ADAMTS18: variants seen among roughly 807,000 people sequenced by gnomAD.
ADAMTS18 encodes ADAM metallopeptidase with thrombospondin type 1 motif 18.
In ADAMTS18, 157 loss-of-function variants were observed where a neutral mutation model predicts 165.9. The observed-to-expected ratio is 0.95, with a 90% CI of 0.83 to 1.08. The LOEUF is 1.08. Ranked by LOEUF, ADAMTS18 falls within the 50% of genes least tolerant of loss-of-function variation. ADAMTS18 has a pLI of 0.00. For missense variants in ADAMTS18, 2,040 were observed against 1,534.0 expected (o/e 1.33, Z -5.51); for synonymous variants, 782 against 578.2 (o/e 1.35, Z -5.06).
chr16:77,291,432 C>G lies in ADAMTS18; in HGVS notation c.3236G>C (p.Cys1079Ser). 6.2e-7 allele frequency: 1 copy of G among 1,614,216 alleles called. No individual in the cohort carries two copies. The highest frequency in any genetic ancestry group is 8.5e-7 in the Non-Finnish European group (1 of 1,180,030). ...GLGVRKREMK[C>S]SEKGFQGKLI... The stretch of plus-strand genomic sequence containing the variant: ...CTTTCCCTGGAAGCCCTTCTCGCTG[C>G]ACTTCATCTCCCTCTTCCTCACACC... Residue 1079 changes from cysteine to serine, a missense_variant, in exon 21 of 23, where the codon TGC (cysteine) becomes TCC (serine). Physicochemically the swap from Cys to Ser is moderately radical, Grantham distance 112 (BLOSUM62 -1). Coordinates refer to ENST00000282849, the MANE Select transcript of ADAMTS18 (RefSeq NM_199355.4).
At chr16:77,329,888 G>C (rs189242592) in intron 12 of ADAMTS18, among the ~76,000 whole-genome samples, 1 of 152,210 alleles carries the variant, frequency 6.6e-6, no homozygotes, top group East Asian at 1.9e-4. Context: ...CCTTATATTA[G>C]ACAACTATAA....
At chr16:77,293,359 A>G in intron 19 of ADAMTS18, 101 bp from the exon 20 acceptor site, 4 of 1,063,158 alleles carry the variant, frequency 3.8e-6, no homozygotes, top group Non-Finnish European at 5.7e-6. Context: ...GAAAGGTGGG[A>G]TAAACTCCAT....
chr16:77,358,037 T>C (rs2056656660), intron 8 of ADAMTS18, among the ~76,000 whole-genome samples: 1 of 152,238 alleles, frequency 6.6e-6, no homozygotes, highest in Admixed American at 6.5e-5. Flanking sequence ...AAAACAAACT[T>C]AGACATACAT....
intron 3 of ADAMTS18, among the ~76,000 whole-genome samples, chr16:77,414,367 T>C (rs1043851826): frequency 2.0e-5 from 3 of 152,186 alleles, no homozygotes; most frequent in South Asian, 4.1e-4. Flanking sequence ...GAACTGAAAG[T>C]GCATTAAGTA....
At chr16:77,364,869 G>A (rs2650910) in intron 4 of ADAMTS18, among the ~76,000 whole-genome samples, 110,666 of 151,930 alleles carry the variant, frequency 0.73, 41,019 homozygotes, top group East Asian at 0.89. Flanking sequence ...AATTTGAGAC[G>A]CAAAGGTGGG....
chr16:77,320,540 G>C (rs144237440), intron 15 of ADAMTS18, among the ~76,000 whole-genome samples: 3 of 152,182 alleles, frequency 2.0e-5, no homozygotes, highest in African/African-American at 7.2e-5. Context: ...TCAAGAGGGT[G>C]AGGCAGGAGA....
chr16:77,292,141 A>G (rs1292098070), intron 20 of ADAMTS18, among the ~76,000 whole-genome samples: 1 of 152,130 alleles, frequency 6.6e-6, no homozygotes, highest in African/African-American at 2.4e-5. Context: ...CCTCAGCAAC[A>G]TGGTGAAACC....
chr16:77,290,180 G>T (rs184687901), intron 21 of ADAMTS18, among the ~76,000 whole-genome samples: 2 of 152,254 alleles, frequency 1.3e-5, no homozygotes, highest in Admixed American at 6.5e-5. Context: ...TAAACTAGGA[G>T]TTTGTAAACT....
At chr16:77,324,475 A>G (rs2056059164) in intron 13 of ADAMTS18, among the ~76,000 whole-genome samples, 1 of 152,232 alleles carries the variant, frequency 6.6e-6, no homozygotes, top group Non-Finnish European at 1.5e-5. Context: ...AATATATACC[A>G]AGTGCTGTTC....
At chr16:77,318,883 T>C (rs1168982277) in intron 16 of ADAMTS18, among the ~76,000 whole-genome samples, 1 of 152,142 alleles carries the variant, frequency 6.6e-6, no homozygotes, top group East Asian at 1.9e-4. Flanking sequence ...GTGCTCAGTA[T>C]CATTTCTATA....
intron 3 of ADAMTS18, among the ~76,000 whole-genome samples, chr16:77,390,191 A>G (rs2057166516): frequency 6.6e-6 from 1 of 152,212 alleles, no homozygotes. Context: ...GGTTTCTGCA[A>G]GAAATAACGG....
intron 3 of ADAMTS18, among the ~76,000 whole-genome samples, chr16:77,422,801 C>T (rs1027137721): frequency 6.6e-6 from 1 of 152,166 alleles, no homozygotes; most frequent in Admixed American, 6.5e-5. Context: ...ACAATCTCTA[C>T]ATTTTGATTC....
chr16:77,390,749 C>G (rs2057175703), intron 3 of ADAMTS18, among the ~76,000 whole-genome samples: 1 of 151,836 alleles, frequency 6.6e-6, no homozygotes, highest in African/African-American at 2.4e-5. Context: ...CCTTTAGACA[C>G]TCCCTTTACC....
At chr16:77,405,798 T>C (rs554245870) in intron 3 of ADAMTS18, among the ~76,000 whole-genome samples, 3 of 152,284 alleles carry the variant, frequency 2.0e-5, no homozygotes, top group South Asian at 4.1e-4. Context: ...AGGAGATCTC[T>C]GGTATCTCTC....
chr16:77,328,720 G>A (rs1365320948), intron 12 of ADAMTS18, among the ~76,000 whole-genome samples: 3 of 152,186 alleles, frequency 2.0e-5, no homozygotes, highest in Non-Finnish European at 4.4e-5. Context: ...AAGACTTTCT[G>A]TGATTTAACG....
intron 8 of ADAMTS18, 77 bp downstream of exon 8, chr16:77,359,238 TCAA>T: frequency 1.6e-6 from 2 of 1,255,366 alleles, no homozygotes; most frequent in Non-Finnish European, 2.3e-6. Context: ...TCTGCCTAAG[TCAA>T]CAACAACGGT....
At chr16:77,302,536 G>C (rs778804662) in intron 16 of ADAMTS18, among the ~76,000 whole-genome samples, 2 of 152,100 alleles carry the variant, frequency 1.3e-5, no homozygotes, top group Non-Finnish European at 2.9e-5. Context: ...GCAAGCTTAA[G>C]TATAAATGCT....
At position 77,334,226 on chromosome 16, in the gene ADAMTS18, T is replaced by C. The variant is rs540182920; in HGVS notation, c.1859+1530A>G. 9.0e-4 allele frequency among the ~76,000 whole-genome samples: 70 copies of C among 77,362 alleles called. 13 individuals are homozygous for C. The highest frequency in any genetic ancestry group is 1.4e-3 in the Non-Finnish European group (62 of 43,322). 50.8% of individuals were successfully genotyped at this position (77,362 alleles called of 152,430 possible). On this transcript the variant is annotated intron_variant, in intron 12 of 22. Coordinates refer to ENST00000282849, the MANE Select transcript of ADAMTS18 (RefSeq NM_199355.4). ...ATATAATATACAGTGTTATATATTA[T>C]ATATAATATATAGTGTTATATATTA...
chr16:77,432,027 TTTC>T (rs2057746462), intron 2 of ADAMTS18, among the ~76,000 whole-genome samples: 1 of 152,180 alleles, frequency 6.6e-6, no homozygotes, highest in Admixed American at 6.5e-5. Context: ...AATCGGGAAA[TTTC>T]TTCAAGGAGG....
Sources: gnomAD v4.1 joint callset for allele counts (sites outside exome capture counted in the v4.1 genomes callset) on GRCh38, gnomAD v4.1.1 for gene constraint, MANE v1.5 for transcripts, NCBI Gene and HGNC (gene_info 2026-07-23, HGNC 2026-07-21) for gene names.